XPR1: variants seen among roughly 807,000 people sequenced by gnomAD.
XPR1 encodes solute carrier family 53 member 1.
A neutral mutation model predicts 87.5 loss-of-function variants in XPR1; 28 were observed. The ratio of observed to expected loss-of-function variants is 0.32; its 90% confidence interval spans 0.24 to 0.44. XPR1 has a LOEUF of 0.44. XPR1 is among the 20% of genes least tolerant of loss of function. The pLI, the probability that XPR1 is intolerant of heterozygous loss-of-function variation, is 1.00. For synonymous variants in XPR1, 300 were observed against 306.1 expected, an observed-to-expected ratio of 0.98 and a Z score of 0.21; for missense variants, 559 against 862.3, an observed-to-expected ratio of 0.65 and a Z score of 4.41.
At position 180,825,154 on chromosome 1, in the gene XPR1, TC is replaced by T. The variant is rs763876767; in HGVS notation, c.955-9del. ...TTTCTCTATCTTTCTGTCTTCCCCA[TC>T]CTTTACTAGATTGCTGGATTCCTCG... is the stretch of plus-strand genomic sequence containing the variant. On this transcript the variant is annotated splice_polypyrimidine_tract_variant and intron_variant, in intron 8 of 14. Coordinates refer to ENST00000367590, the MANE Select transcript of XPR1 (RefSeq NM_004736.4). The T allele has an allele frequency of 5.7e-6, 9 of 1,592,396 alleles. No individual in the cohort carries two copies. The highest frequency in any genetic ancestry group is 7.7e-6 in the Non-Finnish European group (9 of 1,173,212).
chr1:180,640,396 C>T (rs1016096762), intron 1 of XPR1, among the ~76,000 whole-genome samples: 7 of 152,152 alleles, frequency 4.6e-5, no homozygotes, highest in East Asian at 3.8e-4. Flanking sequence ...GACTGAATCT[C>T]GGAGCCATTA....
chr1:180,650,579 C>G (rs1036605165), intron 1 of XPR1, among the ~76,000 whole-genome samples: 5 of 152,184 alleles, frequency 3.3e-5, no homozygotes, highest in Admixed American at 3.3e-4. Flanking sequence ...CTCTTTTTGT[C>G]ATTTCCAAAG....
chr1:180,774,221 TTTTC>T (rs1648622679), intron 2 of XPR1, among the ~76,000 whole-genome samples: 1 of 152,030 alleles, frequency 6.6e-6, no homozygotes, highest in African/African-American at 2.4e-5. Context: ...AAGAACTTAA[TTTTC>T]TTTATTTGGT....
At chr1:180,876,028 G>C (rs1454140651) in intron 13 of XPR1, among the ~76,000 whole-genome samples, 1 of 151,976 alleles carries the variant, frequency 6.6e-6, no homozygotes, top group East Asian at 1.9e-4. Flanking sequence ...TTAAATTCAT[G>C]TTAAAATACT....
intron 2 of XPR1, among the ~76,000 whole-genome samples, chr1:180,684,388 TAGCC>T (rs1165162639): frequency 6.6e-6 from 1 of 152,206 alleles, no homozygotes; most frequent in African/African-American, 2.4e-5. Context: ...TTGGTTACTG[TAGCC>T]TTGTAGTATA....
At chr1:180,646,418 G>C (rs1034063431) in intron 1 of XPR1, among the ~76,000 whole-genome samples, 1 of 151,632 alleles carries the variant, frequency 6.6e-6, no homozygotes, top group Non-Finnish European at 1.5e-5. Flanking sequence ...TTTCGAAAAA[G>C]ACTTGTCTTT....
chr1:180,819,524 T>C (rs1263113326), intron 7 of XPR1, among the ~76,000 whole-genome samples: 1 of 152,218 alleles, frequency 6.6e-6, no homozygotes, highest in Non-Finnish European at 1.5e-5. Flanking sequence ...ATTTTATAAA[T>C]ATGGATTACA....
At chr1:180,766,992 A>G (rs1477677181) in intron 2 of XPR1, among the ~76,000 whole-genome samples, 1 of 152,240 alleles carries the variant, frequency 6.6e-6, no homozygotes, top group East Asian at 1.9e-4. Flanking sequence ...GAAGCTATAA[A>G]GACATGCTCA....
At chr1:180,853,929 CATT>C (rs972351367) in intron 11 of XPR1, among the ~76,000 whole-genome samples, 10 of 151,008 alleles carry the variant, frequency 6.6e-5, no homozygotes. Flanking sequence ...CTATAGGAAT[CATT>C]AGGCATGCAG....
At chr1:180,841,551 A>G (rs565416758) in intron 11 of XPR1, among the ~76,000 whole-genome samples, 2 of 152,336 alleles carry the variant, frequency 1.3e-5, no homozygotes, top group East Asian at 3.9e-4. Context: ...TTTGCTGACT[A>G]GAGCTGCTAT....
intron 1 of XPR1, among the ~76,000 whole-genome samples, chr1:180,659,930 G>T (rs1655707767): frequency 1.3e-5 from 2 of 152,300 alleles, no homozygotes; most frequent in Admixed American, 6.5e-5. Flanking sequence ...GGAGTAGTGT[G>T]AGTAGGATTG....
intron 11 of XPR1, among the ~76,000 whole-genome samples, chr1:180,845,289 T>C (rs1444085378): frequency 6.6e-6 from 1 of 152,230 alleles, no homozygotes; most frequent in African/African-American, 2.4e-5. Context: ...TCATACCTTT[T>C]GACCTAGTAA....
chr1:180,782,298 C>T (rs1648971967), intron 2 of XPR1, among the ~76,000 whole-genome samples: 1 of 151,956 alleles, frequency 6.6e-6, no homozygotes, highest in African/African-American at 2.4e-5. Context: ...ACATATTTAG[C>T]CCATTGTATT....
At chr1:180,809,016 A>G (rs912376829) in intron 6 of XPR1, among the ~76,000 whole-genome samples, 3 of 152,212 alleles carry the variant, frequency 2.0e-5, no homozygotes, top group Non-Finnish European at 2.9e-5. Flanking sequence ...CCAAATGTCT[A>G]TCAGTAGGTG....
chr1:180,644,888 TC>T (rs1257779456), intron 1 of XPR1, among the ~76,000 whole-genome samples: 1 of 151,992 alleles, frequency 6.6e-6, no homozygotes, highest in East Asian at 1.9e-4. Context: ...GCGCTTGTTT[TC>T]CTGCAACTAG....
At chr1:180,688,856 T>C (rs1465062768) in intron 2 of XPR1, among the ~76,000 whole-genome samples, 1 of 152,166 alleles carries the variant, frequency 6.6e-6, no homozygotes, top group Non-Finnish European at 1.5e-5. Flanking sequence ...TCCTTACATC[T>C]TTATTTTTTT....
At chr1:180,677,093 C>A (rs1260899933) in intron 1 of XPR1, among the ~76,000 whole-genome samples, 4 of 152,114 alleles carry the variant, frequency 2.6e-5, no homozygotes, top group Non-Finnish European at 5.9e-5. Flanking sequence ...ACACTGACTA[C>A]CTGGAGGTAG....
At chr1:180,789,484 C>G (rs571604640) in intron 3 of XPR1, among the ~76,000 whole-genome samples, 1 of 152,292 alleles carries the variant, frequency 6.6e-6, no homozygotes, top group East Asian at 1.9e-4. Context: ...CCTTTAACAT[C>G]TGTTTTTCCA....
intron 2 of XPR1, among the ~76,000 whole-genome samples, chr1:180,699,209 CTTTTTT>C (rs1168669274): frequency 7.5e-6 from 1 of 132,586 alleles, no homozygotes; most frequent in Non-Finnish European, 1.6e-5. Flanking sequence ...TTTATTCTTT[CTTTTTT>C]TTTTTTTTTT....
Sources: gnomAD v4.1 joint callset for allele counts (sites outside exome capture counted in the v4.1 genomes callset) on GRCh38, gnomAD v4.1.1 for gene constraint, MANE v1.5 for transcripts, NCBI Gene and HGNC (gene_info 2026-07-23, HGNC 2026-07-21) for gene names.